DDX60L: variants seen among roughly 807,000 people sequenced by gnomAD.
DDX60L encodes probable ATP-dependent RNA helicase DDX60-like.
DDX60L carries 191 observed loss-of-function variants against 211.6 expected under a neutral mutation model. That is an observed-to-expected ratio of 0.90 (90% CI 0.80 to 1.02). The LOEUF (loss-of-function observed/expected upper bound fraction) is 1.02, where lower values mean the gene tolerates loss of function less well. DDX60L is among the 50% of genes least tolerant of loss of function. The pLI, the probability that DDX60L is intolerant of heterozygous loss-of-function variation, is 0.00. For synonymous variants in DDX60L, 706 were observed against 694.1 expected (o/e 1.02, Z -0.27); for missense variants, 2,007 against 1,984.1 (o/e 1.01, Z -0.22).
chr4:168,441,637 G>A, intron 9 of DDX60L, 145 bp from the exon 10 acceptor site: 1 of 614,766 alleles, frequency 1.6e-6, no homozygotes, highest in Non-Finnish European at 2.7e-6. Flanking sequence ...ACACTTGCAT[G>A]AAAATTAGTC....
Position 168,427,039 on chromosome 4 carries a change from C to T in DDX60L, c.1930+31G>A, listed in dbSNP as rs1015964338. 4 of 1,564,306 alleles carry T rather than the reference C, an allele frequency of 2.6e-6. No homozygotes were observed. In the African/African-American group the frequency reaches 5.4e-5, roughly 21 times the overall value. ...AACATCATTAATATTTTCATCACTA[C>T]TCTTTATCCATAGAGTATGGAGTCC... On this transcript the variant is annotated intron_variant, in intron 14 of 37. Transcript: ENST00000682922.
chr4:168,404,238 G>T, intron 24 of DDX60L, 132 bp from the exon 25 acceptor site: 1 of 546,036 alleles, frequency 1.8e-6, no homozygotes, highest in Non-Finnish European at 2.9e-6. Context: ...TTTTAAAATA[G>T]TCCTTTAATA....
Position 168,391,971 on chromosome 4 carries a change from C to G in DDX60L, c.3811-327G>C, listed in dbSNP as rs374749302. 2.4e-4 allele frequency among the ~76,000 whole-genome samples: 36 copies of G among 152,294 alleles called. 1 individual carries two copies. In the South Asian group the frequency reaches 5.4e-3, roughly 23 times the overall value. ...AAAATAACCATGTTTACTTGTCCCC[C>G]CAAGACCTTAAGTATCATGAGGACA... On this transcript the variant is annotated intron_variant, in intron 28 of 37. Coordinates refer to ENST00000682922, the MANE Select transcript of DDX60L (RefSeq NM_001012967.3).
chr4:168,393,177 A>G (rs62334113), intron 28 of DDX60L, among the ~76,000 whole-genome samples: 1,589 of 152,216 alleles, frequency 0.01, 11 homozygotes, highest in Middle Eastern at 0.02. Flanking sequence ...TATTTATGAT[A>G]TCTAATACTC....
intron 5 of DDX60L, 71 bp from the exon 6 acceptor site, chr4:168,458,079 T>C: frequency 1.1e-6 from 1 of 904,944 alleles, no homozygotes; most frequent in South Asian, 1.9e-5. Context: ...ATGAGACACT[T>C]GAGGCAAATC....
chr4:168,424,391 T>C (rs934933426), intron 14 of DDX60L, among the ~76,000 whole-genome samples: 22 of 152,332 alleles, frequency 1.4e-4, no homozygotes, highest in African/African-American at 5.1e-4. Context: ...CCACTCCATA[T>C]AAAGTCATAT....
At chr4:168,411,398 A>C (rs1748651405) in intron 22 of DDX60L, among the ~76,000 whole-genome samples, 1 of 152,146 alleles carries the variant, frequency 6.6e-6, no homozygotes, top group Admixed American at 6.5e-5. Flanking sequence ...ATGCAGAGAG[A>C]GTCTGTGCAC....
Position 168,421,803 on chromosome 4 carries a change from C to T in DDX60L, c.2351G>A (p.Arg784Lys). 2 of 1,614,238 alleles carry T rather than the reference C, an allele frequency of 1.2e-6. No individual in the cohort carries two copies. The highest frequency in any genetic ancestry group is 1.7e-6 in the Non-Finnish European group (2 of 1,180,038). ...CACAACCACCCCGACATCGCTCTCCCTCAGCACTTTCTCCATGCAGTAGTA... is the reference window on the plus strand; with the variant it reads ...CACAACCACCCCGACATCGCTCTCCTTCAGCACTTTCTCCATGCAGTAGTA... ...ASYYCMEKVL[R>K]ESDVGVVVYV... The change falls in exon 17 of 38, where the codon AGG becomes AAG. Residue 784 changes from arginine (R) to lysine (K), a missense_variant. Coordinates refer to ENST00000682922, the MANE Select transcript of DDX60L (RefSeq NM_001012967.3).
At chr4:168,469,460 A>G (rs1311955119) in intron 4 of DDX60L, 1 of 152,184 alleles carries the variant, frequency 6.6e-6, no homozygotes, top group African/African-American at 2.4e-5. Flanking sequence ...ATATAGGAAA[A>G]TATCTTTGTG....
intron 4 of DDX60L, chr4:168,470,337 G>A (rs1758586804): frequency 6.6e-6 from 1 of 152,242 alleles, no homozygotes; most frequent in Admixed American, 6.5e-5. Context: ...AGACTTGCAT[G>A]TGAATGCACA....
intron 4 of DDX60L, among the ~76,000 whole-genome samples, chr4:168,466,057 A>G (rs1757951533): frequency 6.6e-6 from 1 of 152,204 alleles, no homozygotes; most frequent in Admixed American, 6.5e-5. Flanking sequence ...CAAATTTGTG[A>G]TATGTAGCTA....
At position 168,430,521 on chromosome 4, in the gene DDX60L, C is replaced by A; in HGVS notation, c.1634G>T (p.Arg545Leu). 6.2e-7 allele frequency: 1 copy of A among 1,609,370 alleles called. No homozygotes were observed. Among genetic ancestry groups the A allele is most frequent in the African/African-American group, 1.3e-5 (1 of 74,820 alleles). ...STKVIVTQTTRPKEDSSGASG... is the reference protein window; with the variant it reads ...STKVIVTQTTLPKEDSSGASG... ...GGCACCACTGGAATCCTCCTTTGGC[C>A]GAGTAGTTTGAGTCACAATGACTTT... The change falls in exon 13 of 38, where the codon CGG (arginine) becomes CTG (leucine). Residue 545 changes from arginine (R) to leucine (L), a missense_variant. Coordinates refer to ENST00000682922, the MANE Select transcript of DDX60L (RefSeq NM_001012967.3).
chr4:168,364,089 C>T (rs1191823973), intron 36 of DDX60L, among the ~76,000 whole-genome samples: 2 of 152,060 alleles, frequency 1.3e-5, no homozygotes, highest in African/African-American at 4.8e-5. Flanking sequence ...CACTGTACTC[C>T]AGCCCCAGTG....
intron 19 of DDX60L, 116 bp downstream of exon 19, chr4:168,419,186 C>G (rs1276504294): frequency 1.6e-6 from 1 of 631,156 alleles, no homozygotes; most frequent in Non-Finnish European, 2.5e-6. Context: ...CCATTGGTAC[C>G]CTGGCTGACG....
chr4:168,375,912 C>T (rs750439091), intron 33 of DDX60L, among the ~76,000 whole-genome samples: 2 of 152,192 alleles, frequency 1.3e-5, no homozygotes, highest in African/African-American at 4.8e-5. Flanking sequence ...CTGTGCTTTG[C>T]TGCCCCAAGC....
Position 168,404,059 on chromosome 4 carries a change from TG to T in DDX60L, c.3260del (p.Ser1087Ter). 6.9e-7 allele frequency: 1 copy of T among 1,455,756 alleles called. No individual in the cohort carries two copies. Among genetic ancestry groups the T allele is most frequent in the Non-Finnish European group, 9.2e-7 (1 of 1,091,762 alleles). The allele number at this position is 1,455,756 out of a possible 1,614,324, so 90.2% of individuals were successfully genotyped here. ...GAGGAAACATTTTCACCATATCTTT[TG>T]AACTAGACAATGAATCCGGACTAAG... ...KNLSPDSLSS[S>X]KDMVKMFPLL... is the part of the protein sequence containing the mutation. On this transcript the variant is annotated frameshift_variant, in exon 25 of 38. Coordinates refer to ENST00000682922, the MANE Select transcript of DDX60L (RefSeq NM_001012967.3). LOFTEE classifies it high-confidence loss of function.
intron 5 of DDX60L, among the ~76,000 whole-genome samples, chr4:168,460,573 C>T (rs1757185989): frequency 6.6e-6 from 1 of 152,068 alleles, no homozygotes; most frequent in Non-Finnish European, 1.5e-5. Context: ...AATCCACTGT[C>T]AACCTTTTAT....
At chr4:168,404,982 T>C (rs1747481987) in intron 24 of DDX60L, among the ~76,000 whole-genome samples, 2 of 152,012 alleles carry the variant, frequency 1.3e-5, no homozygotes, top group African/African-American at 4.8e-5. Flanking sequence ...ACAGGCTAAA[T>C]TATTTGTAAT....
At chr4:168,443,672 G>T (rs375696100) in intron 9 of DDX60L, among the ~76,000 whole-genome samples, 4 of 150,582 alleles carry the variant, frequency 2.7e-5, no homozygotes, top group Non-Finnish European at 4.4e-5. Flanking sequence ...GACTAACAGC[G>T]GATCTCTCGG....
Sources: allele counts gnomAD v4.1 joint callset (sites outside exome capture counted in the v4.1 genomes callset), GRCh38; gene constraint gnomAD v4.1.1; transcripts MANE v1.5; gene names NCBI Gene and HGNC (gene_info 2026-07-23, HGNC 2026-07-21).